Variants in RCL1 observed in about 807,000 individuals in gnomAD.
The protein encoded by RCL1 is RNA terminal phosphate cyclase like 1.
RCL1 carries 24 observed loss-of-function variants against 42.4 expected under a neutral mutation model. The ratio of observed to expected loss-of-function variants is 0.57; its 90% CI spans 0.41 to 0.80. The LOEUF (loss-of-function observed/expected upper bound fraction) is 0.80, where lower values mean the gene tolerates loss of function less well. Ranked by LOEUF, RCL1 falls within the 30% of genes least tolerant of loss-of-function variation. RCL1 has a pLI of 0.00. For synonymous variants in RCL1, 228 were observed against 177.3 expected, an observed-to-expected ratio of 1.29 and a Z score of -2.27; for missense variants, 578 against 467.9, an observed-to-expected ratio of 1.24 and a Z score of -2.17.
intron 1 of RCL1, among the ~76,000 whole-genome samples, chr9:4,796,076 CAG>C (rs1021113876): frequency 3.6e-4 from 55 of 152,270 alleles, no homozygotes; most frequent in African/African-American, 1.2e-3. Flanking sequence ...GCAAAATAAA[CAG>C]TTCTTTTTTT....
At chr9:4,832,510 G>T (rs1255734135) in intron 3 of RCL1, among the ~76,000 whole-genome samples, 1 of 152,138 alleles carries the variant, frequency 6.6e-6, no homozygotes, top group Admixed American at 6.5e-5. Flanking sequence ...ATACCTATAA[G>T]AATGAGTAGG....
chr9:4,797,918 C>A (rs1425510344), intron 1 of RCL1, among the ~76,000 whole-genome samples: 2 of 152,162 alleles, frequency 1.3e-5, no homozygotes, highest in Non-Finnish European at 2.9e-5. Context: ...AATTGTCCAG[C>A]CACATGTATA....
chr9:4,840,094 G>A (rs533793903), intron 5 of RCL1, among the ~76,000 whole-genome samples: 2 of 152,180 alleles, frequency 1.3e-5, no homozygotes, highest in South Asian at 2.1e-4. Context: ...TCACCAGCAT[G>A]AGGAAGATTG....
intron 3 of RCL1, among the ~76,000 whole-genome samples, chr9:4,829,709 C>T (rs374415086): frequency 7.2e-5 from 11 of 151,968 alleles, no homozygotes; most frequent in East Asian, 1.9e-4. Context: ...GCAGTGGTGG[C>T]GGTGGTGGTG....
At chr9:4,834,469 TTC>T (rs1459706868) in intron 5 of RCL1, among the ~76,000 whole-genome samples, 3 of 83,106 alleles carry the variant, frequency 3.6e-5, no homozygotes, top group Non-Finnish European at 7.5e-5. Context: ...GATTGAGTCA[TTC>T]TTTTTTTTTT....
intron 1 of RCL1, among the ~76,000 whole-genome samples, chr9:4,796,594 T>A (rs553385151): frequency 2.0e-5 from 3 of 152,256 alleles, no homozygotes; most frequent in African/African-American, 7.2e-5. Context: ...AGATGGGGTG[T>A]TGTCTATGTT....
In RCL1 at chr9:4,841,312, A is replaced by G. The variant is rs1270799718; in HGVS notation, c.665A>G (p.Asp222Gly). The change falls in exon 6 of 9, where the codon GAT becomes GGT. Residue 222 changes from aspartate (D) to glycine (G), a missense_variant. Transcript: ENST00000381750. ...AGCATCCTCAACAAGTTCATACCTG[A>G]TATCTATATTTACACAGATCACATG... Reference protein sequence around the residue: ...ARSILNKFIPDIYIYTDHMKG... With the variant: ...ARSILNKFIPGIYIYTDHMKG... The G allele has an allele frequency of 1.9e-6, 3 of 1,613,240 alleles. No homozygotes were observed. The highest frequency in any genetic ancestry group is 2.2e-5 in the East Asian group (1 of 44,878).
chr9:4,856,797 A>G (rs969601025), intron 8 of RCL1, among the ~76,000 whole-genome samples: 1 of 152,248 alleles, frequency 6.6e-6, no homozygotes, highest in African/African-American at 2.4e-5. Flanking sequence ...AGCATCCAGC[A>G]CTGACCAGAA....
intron 7 of RCL1, among the ~76,000 whole-genome samples, chr9:4,848,926 G>C (rs1463234252): frequency 6.6e-6 from 1 of 152,134 alleles, no homozygotes; most frequent in East Asian, 1.9e-4. Context: ...AGTTAATAGA[G>C]TATGGCAAGC....
At chr9:4,805,547 T>C (rs138024341) in intron 1 of RCL1, among the ~76,000 whole-genome samples, 120 of 152,324 alleles carry the variant, frequency 7.9e-4, no homozygotes, top group African/African-American at 2.6e-3. Flanking sequence ...AACTAAACTC[T>C]TATAGAAATA....
intron 1 of RCL1, among the ~76,000 whole-genome samples, chr9:4,815,681 C>T (rs909705484): frequency 6.6e-6 from 1 of 152,046 alleles, no homozygotes; most frequent in Non-Finnish European, 1.5e-5. Flanking sequence ...GCAAGACACA[C>T]TCCAGCCATA....
At chr9:4,851,920 G>T (rs957752427) in intron 8 of RCL1, among the ~76,000 whole-genome samples, 1 of 124,338 alleles carries the variant, frequency 8.0e-6, no homozygotes, top group East Asian at 2.4e-4. Flanking sequence ...TCGCTCTGTC[G>T]CCCAGGCTAG....
At chr9:4,845,302 A>G (rs1817475951) in intron 7 of RCL1, among the ~76,000 whole-genome samples, 1 of 152,348 alleles carries the variant, frequency 6.6e-6, no homozygotes, top group Middle Eastern at 3.4e-3. Flanking sequence ...CATGGAACAG[A>G]GAAGGGGTAA....
rs536291252 is a variant in RCL1, at chr9:4,808,677, A to T, written c.137-14871A>T. The stretch of plus-strand genomic sequence containing the variant: ...GGGATTACTTTCTTCCATTGTGTTC[A>T]TGAGGACTAGTATTGAAGAGTTCAG... On this transcript the variant is annotated intron_variant, in intron 1 of 8. Transcript: ENST00000381750. 1.6e-4 allele frequency among the ~76,000 whole-genome samples: 24 copies of T among 152,302 alleles called. No individual in the cohort carries two copies. The South Asian group carries it at 5.0e-3, about 32-fold the overall frequency.
intron 4 of RCL1, 75 bp from the exon 5 acceptor site, chr9:4,834,066 C>G: frequency 6.6e-7 from 1 of 1,525,356 alleles, no homozygotes; most frequent in South Asian, 1.2e-5. Flanking sequence ...CTGGTGTAAA[C>G]CTTCCTGGGC....
intron 1 of RCL1, among the ~76,000 whole-genome samples, chr9:4,805,882 C>T (rs1815932243): frequency 6.6e-6 from 1 of 152,154 alleles, no homozygotes; most frequent in African/African-American, 2.4e-5. Flanking sequence ...ATATAGTTTT[C>T]AGCATACAAG....
chr9:4,807,606 G>A (rs528688780), intron 1 of RCL1, among the ~76,000 whole-genome samples: 63 of 152,076 alleles, frequency 4.1e-4, no homozygotes, highest in East Asian at 3.9e-3. Flanking sequence ...CACAACCTTC[G>A]CCTCCCGGGT....
intron 1 of RCL1, among the ~76,000 whole-genome samples, chr9:4,815,708 A>G (rs867082791): frequency 2.0e-5 from 3 of 151,852 alleles, no homozygotes; most frequent in South Asian, 4.2e-4. Flanking sequence ...ATTCCAGGAT[A>G]GTGTAGCGCA....
In RCL1 at chr9:4,827,015, T is replaced by C. The variant is rs1373031955; in HGVS notation, c.366T>C (p.Asn122=). The part of the protein sequence containing the change: ...PLKIVLRGVT[N]DQVDPSVDVL... ...AAATAGTTCTACGAGGAGTGACCAA[T>C]GATCAGGTTGACCCTTCAGTGAGTA... Residue 122 remains asparagine (N), a synonymous_variant, in exon 3 of 9, where the codon AAT becomes AAC. Transcript: ENST00000381750. The C allele has an allele frequency of 6.2e-7, 1 of 1,614,102 alleles. No individual in the cohort carries two copies. Among genetic ancestry groups the C allele is most frequent in the Admixed American group, 1.7e-5 (1 of 60,004 alleles).
Sources: gnomAD v4.1 joint callset for allele counts (sites outside exome capture counted in the v4.1 genomes callset) on GRCh38, gnomAD v4.1.1 for gene constraint, MANE v1.5 for transcripts, NCBI Gene and HGNC (gene_info 2026-07-23, HGNC 2026-07-21) for gene names.